PABPC4L: variants seen among roughly 807,000 people sequenced by gnomAD.
PABPC4L encodes the protein poly(A) binding protein cytoplasmic 4 like.
For synonymous variants in PABPC4L, 169 were observed against 164.1 expected, an observed-to-expected ratio of 1.03 and a Z score of -0.23; for missense variants, 452 against 451.4, an observed-to-expected ratio of 1.00 and a Z score of -0.01.
At chr4:134,068,770 G>A in the PABPC4L span, among the ~76,000 whole-genome samples, 1 of 150,806 alleles carries the variant, frequency 6.6e-6, no homozygotes, top group East Asian at 2.0e-4. Flanking sequence ...GTGCAGTGGT[G>A]CAGTCTCGTC....
In PABPC4L at chr4:134,198,720, A is replaced by T. The variant is rs992203833; in HGVS notation, c.*1187T>A. ...AAAAGCCAACATAAAAAAATCCTTT[A>T]GAAAGTATTTTAAAAAGCTGAGGAA... On this transcript the variant is annotated 3_prime_UTR_variant, in exon 2 of 2. Coordinates refer to ENST00000421491, the MANE Select transcript of PABPC4L (RefSeq NM_001114734.2). The T allele has an allele frequency of 6.6e-6, 1 of 151,960 alleles. No individual in the cohort carries two copies. Among genetic ancestry groups the T allele is most frequent in the African/African-American group, 2.4e-5 (1 of 41,454 alleles). The allele number at this position is 151,960 out of a possible 1,614,324, so 9.4% of individuals were successfully genotyped here. A position where few individuals can be genotyped will look rare whatever the true frequency, so the allele number is the denominator to read the frequency against.
At chr4:134,137,909 T>A in the PABPC4L span, among the ~76,000 whole-genome samples, 73,652 of 151,496 alleles carry the variant, frequency 0.49, 21,504 homozygotes, top group East Asian at 0.98. Context: ...TGTTATTAAG[T>A]ACATTTCCCA....
chr4:134,079,730 C>T, the PABPC4L span, among the ~76,000 whole-genome samples: 1 of 151,200 alleles, frequency 6.6e-6, no homozygotes, highest in Non-Finnish European at 1.5e-5. Flanking sequence ...AGAGAGATTT[C>T]CCCCCAATTA....
the PABPC4L span, among the ~76,000 whole-genome samples, chr4:134,094,753 A>G: frequency 7.9e-5 from 12 of 151,836 alleles, no homozygotes; most frequent in Admixed American, 7.2e-4. Flanking sequence ...TTCTTTTAAA[A>G]TAGTGTTACC....
chr4:133,999,451 C>A, the PABPC4L span, among the ~76,000 whole-genome samples: 1 of 151,780 alleles, frequency 6.6e-6, no homozygotes, highest in East Asian at 1.9e-4. Flanking sequence ...TTATTTTGGT[C>A]TTGTTGGTTT....
chr4:134,059,797 A>T, the PABPC4L span, among the ~76,000 whole-genome samples: 27 of 152,102 alleles, frequency 1.8e-4, no homozygotes, highest in Non-Finnish European at 3.2e-4. Context: ...AAGATGGCCA[A>T]ATAGAAGCCT....
the PABPC4L span, among the ~76,000 whole-genome samples, chr4:134,157,902 T>C: frequency 5.9e-5 from 9 of 151,910 alleles, no homozygotes; most frequent in East Asian, 1.9e-4. Flanking sequence ...CATTCTCTTA[T>C]ATTTTTAATG....
At chr4:134,052,143 C>A in the PABPC4L span, among the ~76,000 whole-genome samples, 2 of 151,946 alleles carry the variant, frequency 1.3e-5, no homozygotes, top group African/African-American at 2.4e-5. Context: ...GACATTGGAT[C>A]CAGAGATTTT....
the PABPC4L span, among the ~76,000 whole-genome samples, chr4:134,012,734 C>T: frequency 6.6e-6 from 1 of 152,144 alleles, no homozygotes; most frequent in Non-Finnish European, 1.5e-5. Flanking sequence ...CTCAGACCAA[C>T]CAGCCCAAGA....
the PABPC4L span, among the ~76,000 whole-genome samples, chr4:133,985,056 A>T: frequency 5.5e-3 from 843 of 152,128 alleles, 8 homozygotes; most frequent in African/African-American, 0.019. Flanking sequence ...GCTTGTTGTT[A>T]TCGAGCTAAG....
chr4:134,007,309 G>A, the PABPC4L span, among the ~76,000 whole-genome samples: 1 of 151,050 alleles, frequency 6.6e-6, no homozygotes, highest in African/African-American at 2.4e-5. Flanking sequence ...ATTAAAGATG[G>A]CATTTTGTTT....
chr4:134,026,778 T>C, the PABPC4L span, among the ~76,000 whole-genome samples: 1 of 152,134 alleles, frequency 6.6e-6, no homozygotes, highest in Non-Finnish European at 1.5e-5. Context: ...AAGGAAAAAT[T>C]AGACCTAGAC....
In PABPC4L at chr4:134,200,813, G is replaced by T; in HGVS notation, c.207C>A (p.Asp69Glu). 1 of 1,552,754 alleles carries T rather than the reference G, an allele frequency of 6.4e-7. No individual in the cohort carries two copies. The highest frequency in any genetic ancestry group is 8.7e-7 in the Non-Finnish European group (1 of 1,147,574). The change falls in exon 2 of 2, where the codon GAC becomes GAA. Residue 69 changes from aspartate (D) to glutamate (E), a missense_variant. Coordinates refer to ENST00000421491, the MANE Select transcript of PABPC4L (RefSeq NM_001114734.2). ...CTTTTATGATGTCAAAGTTCATTGTGTCCAGCGCCTTCTGGGCATCAGCCA... is the reference window on the plus strand; with the variant it reads ...CTTTTATGATGTCAAAGTTCATTGTTTCCAGCGCCTTCTGGGCATCAGCCA... ...LQLADAQKALDTMNFDIIKGK... is the reference protein window; with the variant it reads ...LQLADAQKALETMNFDIIKGK...
At chr4:133,988,190 C>A in the PABPC4L span, among the ~76,000 whole-genome samples, 117 of 152,270 alleles carry the variant, frequency 7.7e-4, 1 homozygote, top group East Asian at 0.021. Context: ...CTCCCTCTAA[C>A]CCCTCCCAAA....
chr4:134,073,999 A>T, the PABPC4L span, among the ~76,000 whole-genome samples: 1 of 152,170 alleles, frequency 6.6e-6, no homozygotes, highest in Non-Finnish European at 1.5e-5. Context: ...AAGTTCTCTG[A>T]CATGCCCTGG....
At chr4:134,036,471 T>C in the PABPC4L span, among the ~76,000 whole-genome samples, 351 of 152,226 alleles carry the variant, frequency 2.3e-3, no homozygotes, top group African/African-American at 8.1e-3. Context: ...CAGTAAATCA[T>C]AGTAGACTAA....
the PABPC4L span, among the ~76,000 whole-genome samples, chr4:134,025,058 C>T: frequency 3.1e-4 from 47 of 149,920 alleles, no homozygotes; most frequent in African/African-American, 6.3e-4. Flanking sequence ...GGGCCAGGCA[C>T]GGTGGCTCAC....
chr4:134,060,434 C>T, the PABPC4L span, among the ~76,000 whole-genome samples: 2 of 151,434 alleles, frequency 1.3e-5, no homozygotes, highest in Non-Finnish European at 2.9e-5. Context: ...CAGATCAGAA[C>T]CCATCCTTCT....
At chr4:134,160,819 C>T in the PABPC4L span, among the ~76,000 whole-genome samples, 1 of 151,534 alleles carries the variant, frequency 6.6e-6, no homozygotes, top group African/African-American at 2.4e-5. Flanking sequence ...AGTGAGACCC[C>T]ATCTGTAAAA....
Sources: gnomAD v4.1 joint callset for allele counts (sites outside exome capture counted in the v4.1 genomes callset) on GRCh38, gnomAD v4.1.1 for gene constraint, MANE v1.5 for transcripts, NCBI Gene and HGNC (gene_info 2026-07-23, HGNC 2026-07-21) for gene names.